Variants in CBLB observed in about 807,000 individuals in gnomAD.
CBLB encodes E3 ubiquitin-protein ligase CBL-B.
A neutral mutation model predicts 104.9 loss-of-function variants in CBLB; 31 were observed. The ratio of observed to expected loss-of-function variants is 0.30; its 90% CI spans 0.22 to 0.40. The LOEUF (loss-of-function observed/expected upper bound fraction) is 0.40, where lower values mean the gene tolerates loss of function less well. Ranked by LOEUF, CBLB falls within the 10% of genes least tolerant of loss-of-function variation. CBLB has a pLI of 1.00. For missense variants in CBLB, 1,062 were observed against 1,214.6 expected, an observed-to-expected ratio of 0.87 and a Z score of 1.87; for synonymous variants, 440 against 422.6, an observed-to-expected ratio of 1.04 and a Z score of -0.51.
chr3:105,806,850 T>G (rs1034099086), intron 3 of CBLB, among the ~76,000 whole-genome samples: 19 of 152,168 alleles, frequency 1.2e-4, no homozygotes, highest in Non-Finnish European at 2.5e-4. Flanking sequence ...TTAAAGAAAT[T>G]TAATTGAGGC....
chr3:105,746,437 G>A (rs1481489152), intron 5 of CBLB, among the ~76,000 whole-genome samples: 1 of 152,152 alleles, frequency 6.6e-6, no homozygotes, highest in African/African-American at 2.4e-5. Flanking sequence ...TACAAGGTTT[G>A]ATCCCCAGCA....
rs75218684 is a variant in CBLB, at chr3:105,671,418, C to T, written c.2570-1066G>A. The T allele has an allele frequency of 8.2e-3, 1,773 of 216,672 alleles. 61 individuals are homozygous for T. The highest frequency in any genetic ancestry group is 0.071 in the East Asian group (1,034 of 14,652). The allele number at this position is 216,672 out of a possible 1,614,324, so 13.4% of individuals were successfully genotyped here. ...ATACCTCCTAAATCAAACATAGCAC[C>T]TAGAACACTCTTGGCAAATAGCTTG... On this transcript the variant is annotated intron_variant, in intron 17 of 18. Transcript: ENST00000394030.
chr3:105,703,947 T>C (rs1256934175), intron 11 of CBLB, 41 bp downstream of exon 11: 8 of 1,565,948 alleles, frequency 5.1e-6, no homozygotes, highest in Non-Finnish European at 6.2e-6. Context: ...AATAATTGTC[T>C]TACAAAATTT....
At chr3:105,757,493 A>G (rs2028599) in intron 4 of CBLB, among the ~76,000 whole-genome samples, 10,456 of 152,290 alleles carry the variant, frequency 0.069, 521 homozygotes, top group Admixed American at 0.15. Context: ...GCAGGCAGCA[A>G]GGTATTACTA....
intron 3 of CBLB, among the ~76,000 whole-genome samples, chr3:105,815,391 T>C (rs1283662114): frequency 6.6e-6 from 1 of 152,224 alleles, no homozygotes; most frequent in Non-Finnish European, 1.5e-5. Flanking sequence ...GGCTTTATAT[T>C]ACAATGGAAT....
At chr3:105,780,660 G>GT (rs58640968) in intron 3 of CBLB, among the ~76,000 whole-genome samples, 1,518 of 93,996 alleles carry the variant, frequency 0.016, 133 homozygotes, top group African/African-American at 0.03. Context: ...TTTGTTTTTT[G>GT]TTTTTTTTTT....
chr3:105,809,572 T>C (rs1228009601), intron 3 of CBLB, among the ~76,000 whole-genome samples: 1 of 152,214 alleles, frequency 6.6e-6, no homozygotes, highest in East Asian at 1.9e-4. Context: ...CTTGGATTTG[T>C]TTTTAATCCC....
At chr3:105,711,159 G>A (rs2071009715) in intron 10 of CBLB, among the ~76,000 whole-genome samples, 1 of 151,958 alleles carries the variant, frequency 6.6e-6, no homozygotes, top group Non-Finnish European at 1.5e-5. Flanking sequence ...CTAATAAGAT[G>A]AGAGTTCTGA....
chr3:105,720,362 G>T (rs1691707013), intron 9 of CBLB, 112 bp from the exon 10 acceptor site: 1 of 968,714 alleles, frequency 1.0e-6, no homozygotes. Flanking sequence ...ACTTTTTGGG[G>T]TAGGAGGTGG....
chr3:105,740,386 T>C, intron 7 of CBLB, 108 bp downstream of exon 7: 1 of 1,096,680 alleles, frequency 9.1e-7, no homozygotes, highest in Non-Finnish European at 1.4e-6. Context: ...TATTTCTCAG[T>C]CTTAACATAA....
At chr3:105,837,048 T>G (rs1359813102) in intron 3 of CBLB, among the ~76,000 whole-genome samples, 3 of 151,636 alleles carry the variant, frequency 2.0e-5, no homozygotes, top group Non-Finnish European at 4.4e-5. Context: ...GAAAAAGAGA[T>G]AGCAGTTAAG....
At chr3:105,738,122 T>C (rs980557813) in intron 7 of CBLB, among the ~76,000 whole-genome samples, 2 of 152,214 alleles carry the variant, frequency 1.3e-5, no homozygotes, top group African/African-American at 2.4e-5. Flanking sequence ...TGGTTAGTTC[T>C]GTTTAACATC....
At chr3:105,685,237 G>C in intron 14 of CBLB, 83 bp downstream of exon 14, 1 of 1,174,390 alleles carries the variant, frequency 8.5e-7, no homozygotes, top group Non-Finnish European at 1.3e-6. Flanking sequence ...TTAATTAGAC[G>C]TGAATCAATT....
intron 3 of CBLB, among the ~76,000 whole-genome samples, chr3:105,804,642 T>G (rs2083292030): frequency 6.6e-6 from 1 of 152,182 alleles, no homozygotes; most frequent in African/African-American, 2.4e-5. Flanking sequence ...TATTTGCTTA[T>G]TTTTATGTTA....
chr3:105,764,612 G>A (rs1576996170), intron 4 of CBLB, among the ~76,000 whole-genome samples: 2 of 152,202 alleles, frequency 1.3e-5, no homozygotes, highest in East Asian at 3.9e-4. Context: ...AGGCCAAATA[G>A]TAACCCTAAA....
At chr3:105,726,046 G>T (rs539742311) in intron 9 of CBLB, among the ~76,000 whole-genome samples, 4 of 151,956 alleles carry the variant, frequency 2.6e-5, no homozygotes, top group Non-Finnish European at 5.9e-5. Context: ...AACAGGGTTC[G>T]CCATGTTGGC....
chr3:105,657,625 A>G lies in CBLB; in HGVS notation c.*1345T>C, dbSNP rs974033392. 2 of 203,814 alleles carry G rather than the reference A, an allele frequency of 9.8e-6. No homozygotes were observed. The highest frequency in any genetic ancestry group is 2.0e-5 in the Non-Finnish European group (2 of 99,446). The allele number at this position is 203,814 out of a possible 1,614,324, so 12.6% of individuals were successfully genotyped here. A position where few individuals can be genotyped will look rare whatever the true frequency, so the allele number is the denominator to read the frequency against. On this transcript the variant is annotated 3_prime_UTR_variant, in exon 19 of 19. Coordinates refer to ENST00000394030, the MANE Select transcript of CBLB (RefSeq NM_170662.5). ...AACACAGTGCCTAACAGCACCAAGCATATCATAGATGCTCAATAAATATTT... is the reference window on the plus strand; with the variant it reads ...AACACAGTGCCTAACAGCACCAAGCGTATCATAGATGCTCAATAAATATTT...
chr3:105,723,808 G>A (rs2073221981), intron 9 of CBLB, among the ~76,000 whole-genome samples: 1 of 151,862 alleles, frequency 6.6e-6, no homozygotes. Flanking sequence ...ATTATATATA[G>A]TATAAATTAT....
upstream of CBLB, chr3:105,869,385 C>G (rs1449376563): frequency 3.0e-6 from 4 of 1,341,734 alleles, no homozygotes; most frequent in Non-Finnish European, 4.0e-6. Context: ...GGAGCCAAAG[C>G]CATCTGGGGC....
Sources: allele counts gnomAD v4.1 joint callset (sites outside exome capture counted in the v4.1 genomes callset), GRCh38; gene constraint gnomAD v4.1.1; transcripts MANE v1.5; gene names NCBI Gene and HGNC (gene_info 2026-07-23, HGNC 2026-07-21).